Variants in AOPEP observed in about 807,000 individuals in gnomAD.
AOPEP encodes aminopeptidase O (putative).
In AOPEP, 77 loss-of-function variants were observed where a neutral mutation model predicts 98.1. The ratio of observed to expected loss-of-function variants is 0.78; its 90% CI spans 0.65 to 0.95. The LOEUF (loss-of-function observed/expected upper bound fraction) is 0.95. Ranked by LOEUF, AOPEP falls within the 40% of genes least tolerant of loss-of-function variation. AOPEP has a pLI of 0.00. For missense variants in AOPEP, 1,024 were observed against 1,024.7 expected (o/e 1.00, Z 0.01); for synonymous variants, 346 against 365.3 (o/e 0.95, Z 0.60).
At chr9:94,887,168 C>T (rs1017026587) in intron 5 of AOPEP, among the ~76,000 whole-genome samples, 2 of 143,548 alleles carry the variant, frequency 1.4e-5, no homozygotes, top group African/African-American at 2.9e-5. Context: ...AAGTGAGACC[C>T]CCCCCGTCTC....
intron 9 of AOPEP, among the ~76,000 whole-genome samples, chr9:94,961,913 G>A (rs922785582): frequency 2.6e-5 from 4 of 152,092 alleles, no homozygotes; most frequent in Admixed American, 1.3e-4. Context: ...CTGACCTTTC[G>A]TTTATTCTCA....
intron 1 of AOPEP, among the ~76,000 whole-genome samples, chr9:94,747,012 A>G (rs1391857226): frequency 6.7e-6 from 1 of 148,984 alleles, no homozygotes; most frequent in Non-Finnish European, 1.5e-5. Flanking sequence ...CACTTTTTAT[A>G]ATTCCCACAA....
intron 5 of AOPEP, among the ~76,000 whole-genome samples, chr9:94,919,670 A>C (rs1314685008): frequency 6.6e-6 from 1 of 152,120 alleles, no homozygotes; most frequent in Non-Finnish European, 1.5e-5. Context: ...TGAACCTAAG[A>C]GGGGTGGAGC....
chr9:94,888,267 T>C (rs1328295880), intron 5 of AOPEP, among the ~76,000 whole-genome samples: 2 of 150,116 alleles, frequency 1.3e-5, no homozygotes, highest in South Asian at 2.1e-4. Context: ...AAGGAATAAA[T>C]TGAGATGGAA....
chr9:94,986,808 C>A (rs917758790), intron 11 of AOPEP, among the ~76,000 whole-genome samples: 1 of 152,224 alleles, frequency 6.6e-6, no homozygotes, highest in Non-Finnish European at 1.5e-5. Context: ...CAAATGAAAG[C>A]TGTGTGCTTC....
At chr9:95,015,760 TG>T (rs2062927299) in intron 13 of AOPEP, among the ~76,000 whole-genome samples, 1 of 152,230 alleles carries the variant, frequency 6.6e-6, no homozygotes, top group African/African-American at 2.4e-5. Flanking sequence ...TACAAATACC[TG>T]TGCAGTTTCA....
At chr9:94,933,048 C>G in intron 7 of AOPEP, 1 of 985,500 alleles carries the variant, frequency 1.0e-6, no homozygotes, top group Non-Finnish European at 1.2e-6. Context: ...AGGACTCTCC[C>G]AGACTCTTCA....
intron 16 of AOPEP, chr9:95,086,374 G>A (rs1448017530): frequency 1.4e-5 from 14 of 985,306 alleles, no homozygotes; most frequent in Admixed American, 1.2e-4. Context: ...GCTCTCCCAC[G>A]GCGAGGTGAG....
chr9:94,738,485 T>C (rs1331127958), intron 1 of AOPEP, among the ~76,000 whole-genome samples: 2 of 152,048 alleles, frequency 1.3e-5, no homozygotes, highest in African/African-American at 4.8e-5. Flanking sequence ...AGATAATCCA[T>C]AGGAACACTA....
At chr9:95,114,821 G>A in the AOPEP span, 5 of 889,954 alleles carry the variant, frequency 5.6e-6, no homozygotes, top group African/African-American at 6.5e-5. Flanking sequence ...TTTACTTCTG[G>A]TTCACGGAAC....
At chr9:95,112,404 T>C in the AOPEP span, among the ~76,000 whole-genome samples, 1 of 152,252 alleles carries the variant, frequency 6.6e-6, no homozygotes, top group Admixed American at 6.5e-5. Flanking sequence ...GCCTGGCCCA[T>C]GGAATTCCCA....
the AOPEP span, chr9:95,126,744 C>T: frequency 3.0e-6 from 2 of 675,212 alleles, no homozygotes; most frequent in Non-Finnish European, 2.7e-6. Flanking sequence ...AAACGCCCCA[C>T]ATACAAGTGC....
intron 14 of AOPEP, among the ~76,000 whole-genome samples, chr9:95,066,756 C>A (rs1407223571): frequency 6.6e-6 from 1 of 152,136 alleles, no homozygotes; most frequent in African/African-American, 2.4e-5. Flanking sequence ...TCTCTGGGGT[C>A]TAAATAGCAG....
intron 3 of AOPEP, among the ~76,000 whole-genome samples, chr9:94,780,639 T>G (rs963706823): frequency 1.3e-5 from 2 of 152,216 alleles, no homozygotes; most frequent in African/African-American, 2.4e-5. Flanking sequence ...TGTCTACAAA[T>G]GTATCTGCAC....
At chr9:95,114,789 GAA>G in the AOPEP span, 2 of 1,248,056 alleles carry the variant, frequency 1.6e-6, no homozygotes, top group Non-Finnish European at 2.4e-6. Flanking sequence ...GGGATGACCT[GAA>G]GAGTCTTTGG....
chr9:94,992,514 G>A (rs188990646), intron 11 of AOPEP, among the ~76,000 whole-genome samples: 1 of 152,248 alleles, frequency 6.6e-6, no homozygotes, highest in African/African-American at 2.4e-5. Flanking sequence ...AGGAAAGTCG[G>A]TTTGTTATGT....
At chr9:94,960,347 G>A (rs1282054377) in intron 9 of AOPEP, among the ~76,000 whole-genome samples, 1 of 151,344 alleles carries the variant, frequency 6.6e-6, no homozygotes, top group African/African-American at 2.4e-5. Context: ...GGAGGCGGGG[G>A]TTGCAGTGAG....
At chr9:94,811,382 G>A (rs1157602789) in intron 5 of AOPEP, among the ~76,000 whole-genome samples, 1 of 152,094 alleles carries the variant, frequency 6.6e-6, no homozygotes, top group African/African-American at 2.4e-5. Flanking sequence ...ATGCATGCAT[G>A]GCAGAACTTT....
chr9:94,790,277 C>T (rs1039624801), intron 3 of AOPEP, among the ~76,000 whole-genome samples: 2 of 152,080 alleles, frequency 1.3e-5, no homozygotes, highest in Non-Finnish European at 1.5e-5. Context: ...AGCTATTCTC[C>T]TGCCTCAGCC....
Sources: allele counts gnomAD v4.1 joint callset (sites outside exome capture counted in the v4.1 genomes callset), GRCh38; gene constraint gnomAD v4.1.1; transcripts MANE v1.5; gene names NCBI Gene and HGNC (gene_info 2026-07-23, HGNC 2026-07-21).